Variants in RIPOR3 observed in about 807,000 individuals in gnomAD.
RIPOR3 encodes the protein family with sequence similarity 65 member C.
Under a neutral mutation model 114.3 loss-of-function variants are expected in RIPOR3, and 95 were observed. The observed-to-expected ratio is 0.83, with a 90% CI of 0.70 to 0.99. The LOEUF is 0.99. Ranked by LOEUF, RIPOR3 falls within the 50% of genes least tolerant of loss-of-function variation. RIPOR3 has a pLI of 0.00. For missense variants in RIPOR3, 1,252 were observed against 1,266.9 expected (o/e 0.99, Z 0.18); for synonymous variants, 575 against 543.8 (o/e 1.06, Z -0.80).
Position 50,609,953 on chromosome 20 carries a change from GCCACCACTGCCTCACCTGCCACCCCTA to G in RIPOR3, c.427-258_427-232del, listed in dbSNP as rs1452876300. On this transcript the variant is annotated intron_variant, in intron 6 of 21. Transcript: ENST00000327979. Reference sequence around the variant, plus strand: ...CACATCTGCCTCACCTGCCTCACCTGCCACCACTGCCTCACCTGCCACCCCTACCACCCCTGCCTCACCTGCCACCCC... The same window carrying G: ...CACATCTGCCTCACCTGCCTCACCTGCCACCCCTGCCTCACCTGCCACCCC... Among the ~76,000 whole-genome samples, 71 of 146,502 alleles carry G rather than the reference GCCACCACTGCCTCACCTGCCACCCCTA, an allele frequency of 4.8e-4. 3 individuals carry two copies. Among genetic ancestry groups the G allele is most frequent in the East Asian group, 8.0e-4 (4 of 5,026 alleles).
In RIPOR3 at chr20:50,616,071, C is replaced by A; in HGVS notation, c.279G>T (p.Leu93=). Residue 93 remains leucine, a synonymous_variant, in exon 4 of 22, where the codon CTG becomes CTT. Coordinates refer to ENST00000327979, the MANE Select transcript of RIPOR3 (RefSeq NM_001290268.2). The part of the protein sequence containing the change: ...EALKRGLKEY[L]CVQQAELDHL... ...GGTCCAGCTCAGCCTGCTGCACACA[C>A]AGATACTCCCTGCAAGGAAAGCAAG... 1.2e-6 allele frequency: 2 copies of A among 1,611,626 alleles called. No individual in the cohort carries two copies. Among genetic ancestry groups the A allele is most frequent in the Non-Finnish European group, 1.7e-6 (2 of 1,179,008 alleles).
rs376547534 is a variant in RIPOR3, at chr20:50,604,654, T to A, written c.1077A>T (p.Arg359Ser). Residue 359 changes from arginine (R) to serine (S), a missense_variant, in exon 12 of 22, where the codon AGA becomes AGT. Arg to Ser is a moderately radical substitution (Grantham distance 110, BLOSUM62 -1). Coordinates refer to ENST00000327979, the MANE Select transcript of RIPOR3 (RefSeq NM_001290268.2). ...TPPSTPSFRE[R>S]YYLSVLQQPT... Reference sequence around the variant, plus strand: ...GGGAAGGCTCACTCACCAGGTAGTATCTCTCCCGGAAGCTGGGGGTGCTCG... The same window carrying A: ...GGGAAGGCTCACTCACCAGGTAGTAACTCTCCCGGAAGCTGGGGGTGCTCG... 1.9e-6 allele frequency: 3 copies of A among 1,606,880 alleles called. No homozygotes were observed. Among genetic ancestry groups the A allele is most frequent in the Non-Finnish European group, 2.5e-6 (3 of 1,177,258 alleles).
rs2082930119 is a variant in RIPOR3 at position 50,586,626 on chromosome 20, G to A, written c.*606C>T. 1 of 153,634 alleles carries A rather than the reference G, an allele frequency of 6.5e-6. No individual in the cohort carries two copies. Among genetic ancestry groups the A allele is most frequent in the Non-Finnish European group, 1.4e-5 (1 of 69,004 alleles). 9.5% of individuals were successfully genotyped at this position (153,634 alleles called of 1,614,324 possible). On this transcript the variant is annotated 3_prime_UTR_variant, in exon 22 of 22. Coordinates refer to ENST00000327979, the MANE Select transcript of RIPOR3 (RefSeq NM_001290268.2). ...CCACCATCCACCAGCCGCCGTCTGT[G>A]AGCTCCACCAGCACTCGCAGCAAGT... is the stretch of plus-strand genomic sequence containing the variant.
chr20:50,592,929 T>A, intron 18 of RIPOR3, 106 bp downstream of exon 18: 1 of 1,393,696 alleles, frequency 7.2e-7, no homozygotes, highest in Non-Finnish European at 9.8e-7. Context: ...AAAAGAACAG[T>A]TGGCGGGGAT....
chr20:50,682,423 T>C (rs1339359047), intron 1 of RIPOR3, among the ~76,000 whole-genome samples: 1 of 152,062 alleles, frequency 6.6e-6, no homozygotes, highest in African/African-American at 2.4e-5. Context: ...GCCTGGGCAA[T>C]ATGCAACATG....
chr20:50,615,915 G>A (rs547434040), intron 4 of RIPOR3, 87 bp downstream of exon 4: 17 of 1,293,670 alleles, frequency 1.3e-5, no homozygotes, highest in Middle Eastern at 2.3e-4. Flanking sequence ...GAGTCACACC[G>A]TGACATAGGC....
intron 1 of RIPOR3, among the ~76,000 whole-genome samples, chr20:50,668,332 T>C (rs1398605906): frequency 6.6e-6 from 1 of 152,094 alleles, no homozygotes; most frequent in Admixed American, 6.6e-5. Context: ...ACAGTGACCT[T>C]CCTCCTCCTG....
At chr20:50,675,231 T>G (rs906394351) in intron 1 of RIPOR3, among the ~76,000 whole-genome samples, 1 of 152,230 alleles carries the variant, frequency 6.6e-6, no homozygotes, top group Non-Finnish European at 1.5e-5. Flanking sequence ...GCTGACACCC[T>G]GATTTCAAAC....
chr20:50,664,207 G>A (rs1281508262), intron 1 of RIPOR3, among the ~76,000 whole-genome samples: 1 of 152,196 alleles, frequency 6.6e-6, no homozygotes, highest in African/African-American at 2.4e-5. Flanking sequence ...CACTATAGGC[G>A]TGAGCCACCG....
At chr20:50,626,783 A>G (rs2084635216) in intron 2 of RIPOR3, among the ~76,000 whole-genome samples, 1 of 152,194 alleles carries the variant, frequency 6.6e-6, no homozygotes, top group African/African-American at 2.4e-5. Context: ...GCAGTTTGGG[A>G]GGCCGAGGTG....
At chr20:50,615,524 CAAAA>C (rs11474316) in intron 4 of RIPOR3, among the ~76,000 whole-genome samples, 1 of 58,344 alleles carries the variant, frequency 1.7e-5, no homozygotes, top group Non-Finnish European at 3.5e-5. Context: ...AATCCTGTCT[CAAAA>C]AAAAAAAAAA....
intron 17 of RIPOR3, 44 bp from the exon 18 acceptor site, chr20:50,593,240 C>T: frequency 6.3e-7 from 1 of 1,589,352 alleles, no homozygotes; most frequent in Non-Finnish European, 8.5e-7. Context: ...GAGACCTCGA[C>T]CCTCCACGCT....
rs2122891815 is a variant in RIPOR3 at position 50,594,537 on chromosome 20, A to G, written c.2212+16T>C. 2 of 1,609,372 alleles carry G rather than the reference A, an allele frequency of 1.2e-6. No homozygotes were observed. The highest frequency in any genetic ancestry group is 1.7e-4 in the Middle Eastern group (1 of 6,044). On this transcript the variant is annotated intron_variant, in intron 17 of 21. Transcript: ENST00000327979. Reference sequence around the variant, plus strand: ...CCTTTCTGTGGGAGGGGACGACAGGACAGAAGGGAACCCACCTATTTCCAG... The same window carrying G: ...CCTTTCTGTGGGAGGGGACGACAGGGCAGAAGGGAACCCACCTATTTCCAG...
At chr20:50,680,932 A>T (rs2086837146) in intron 1 of RIPOR3, among the ~76,000 whole-genome samples, 1 of 152,228 alleles carries the variant, frequency 6.6e-6, no homozygotes, top group African/African-American at 2.4e-5. Flanking sequence ...ATATGACCTA[A>T]CAAGAAACAA....
intron 1 of RIPOR3, among the ~76,000 whole-genome samples, chr20:50,664,371 T>C (rs2086112031): frequency 6.6e-6 from 1 of 152,182 alleles, no homozygotes; most frequent in African/African-American, 2.4e-5. Context: ...GCCTGTCTGC[T>C]CTCCATGCTG....
At chr20:50,685,874 A>C (rs1315445680) in intron 1 of RIPOR3, among the ~76,000 whole-genome samples, 1 of 151,504 alleles carries the variant, frequency 6.6e-6, no homozygotes, top group African/African-American at 2.4e-5. Context: ...TGGGCATTAA[A>C]ATGAATGTTT....
At chr20:50,659,289 G>A (rs774793828) in intron 1 of RIPOR3, among the ~76,000 whole-genome samples, 1 of 152,062 alleles carries the variant, frequency 6.6e-6, no homozygotes, top group Non-Finnish European at 1.5e-5. Context: ...TTCCTGAACC[G>A]AAGTCTGAAT....
In RIPOR3 at chr20:50,665,936, C is replaced by T. The variant is rs1395193352; in HGVS notation, c.3+25190G>A. Among the ~76,000 whole-genome samples, 3 of 151,940 alleles carry T rather than the reference C, an allele frequency of 2.0e-5. No homozygotes were observed. In the East Asian group the frequency reaches 5.8e-4, roughly 30 times the overall value. ...GCTATACCTAAAGCCAAACCGAATC[C>T]CAGACATCTAAATTTTATGAGCCAG... On this transcript the variant is annotated intron_variant, in intron 1 of 21. Coordinates refer to ENST00000327979, the MANE Select transcript of RIPOR3 (RefSeq NM_001290268.2).
chr20:50,614,621 A>C lies in RIPOR3; in HGVS notation c.348+1381T>G, dbSNP rs894417281. ...AGTCCCTGAGCAATGGGATCCTAGC[A>C]GTGTCACCAGATAAAATACAGGACA... On this transcript the variant is annotated intron_variant, in intron 4 of 21. Coordinates refer to ENST00000327979, the MANE Select transcript of RIPOR3 (RefSeq NM_001290268.2). 1.8e-5 allele frequency: 3 copies of C among 170,456 alleles called. No individual in the cohort carries two copies. The Admixed American group carries it at 2.0e-4, about 11-fold the overall frequency. The allele number at this position is 170,456 out of a possible 1,614,324, so 10.6% of individuals were successfully genotyped here. A position where few individuals can be genotyped will look rare whatever the true frequency, so the allele number is the denominator to read the frequency against.
Sources: gnomAD v4.1 joint callset for allele counts (sites outside exome capture counted in the v4.1 genomes callset) on GRCh38, gnomAD v4.1.1 for gene constraint, MANE v1.5 for transcripts, NCBI Gene and HGNC (gene_info 2026-07-23, HGNC 2026-07-21) for gene names.